Variants in MSI2 observed in about 807,000 individuals in gnomAD.
The protein encoded by MSI2 is musashi RNA binding protein 2.
MSI2 carries 17 observed loss-of-function variants against 45.6 expected under a neutral mutation model. The observed-to-expected ratio is 0.37, with a 90% CI of 0.26 to 0.56. MSI2 has a LOEUF of 0.56. Ranked by LOEUF, MSI2 falls within the 20% of genes least tolerant of loss-of-function variation. The probability of loss-of-function intolerance (pLI) is 0.77; values close to 1 mark genes in which losing one functional copy is unlikely to be tolerated. For missense variants in MSI2, 293 were observed against 444.2 expected (o/e 0.66, Z 3.06); for synonymous variants, 156 against 158.2 (o/e 0.99, Z 0.11).
At chr17:57,397,786 C>T (rs1406478352) in intron 5 of MSI2, among the ~76,000 whole-genome samples, 1 of 152,228 alleles carries the variant, frequency 6.6e-6, no homozygotes. Flanking sequence ...CCCCCTTCTC[C>T]TAAAGCCGAG....
chr17:57,445,010 G>T (rs963960080), intron 6 of MSI2, among the ~76,000 whole-genome samples: 1 of 152,166 alleles, frequency 6.6e-6, no homozygotes, highest in African/African-American at 2.4e-5. Flanking sequence ...TTTTTAAAAA[G>T]TGGAGTGTTA....
At chr17:57,555,811 C>A (rs139934017) in intron 7 of MSI2, among the ~76,000 whole-genome samples, 1 of 152,170 alleles carries the variant, frequency 6.6e-6, no homozygotes. Context: ...TGCAGCCCCT[C>A]GAGGCCAAGT....
intron 7 of MSI2, among the ~76,000 whole-genome samples, chr17:57,582,907 T>C (rs2088242175): frequency 6.6e-6 from 1 of 152,252 alleles, no homozygotes; most frequent in African/African-American, 2.4e-5. Flanking sequence ...GTTACATCAT[T>C]TTTAGCAACA....
intron 5 of MSI2, among the ~76,000 whole-genome samples, chr17:57,366,656 C>T (rs917370724): frequency 6.6e-6 from 1 of 152,148 alleles, no homozygotes; most frequent in Non-Finnish European, 1.5e-5. Context: ...AGGGGAGGAG[C>T]GAAGAGGTGG....
At chr17:57,340,959 C>T (rs191730385) in intron 5 of MSI2, among the ~76,000 whole-genome samples, 236 of 152,306 alleles carry the variant, frequency 1.5e-3, no homozygotes, top group African/African-American at 5.0e-3. Context: ...GGTTCACCTC[C>T]GACCTGGGAT....
At chr17:57,568,895 A>G (rs2087804075) in intron 7 of MSI2, among the ~76,000 whole-genome samples, 1 of 152,206 alleles carries the variant, frequency 6.6e-6, no homozygotes, top group Non-Finnish European at 1.5e-5. Flanking sequence ...TAGCAGGTAG[A>G]AGTGAACACA....
At chr17:57,519,152 C>G (rs2086531733) in intron 6 of MSI2, among the ~76,000 whole-genome samples, 1 of 152,184 alleles carries the variant, frequency 6.6e-6, no homozygotes, top group Admixed American at 6.5e-5. Context: ...ACTGCTCCCC[C>G]AAGGGCACAC....
At chr17:57,434,428 C>T (rs751325786) in intron 6 of MSI2, among the ~76,000 whole-genome samples, 1 of 152,174 alleles carries the variant, frequency 6.6e-6, no homozygotes, top group African/African-American at 2.4e-5. Flanking sequence ...ATATACATTA[C>T]CTTATGATTA....
chr17:57,507,225 CTGTGTGTG>C (rs71140002), intron 6 of MSI2, among the ~76,000 whole-genome samples: 1,684 of 51,116 alleles, frequency 0.033, 97 homozygotes, highest in African/African-American at 0.061. Flanking sequence ...CTTTGTCTCT[CTGTGTGTG>C]TGTGTGTGTG....
At chr17:57,530,618 C>G (rs2086802393) in intron 7 of MSI2, among the ~76,000 whole-genome samples, 1 of 152,154 alleles carries the variant, frequency 6.6e-6, no homozygotes, top group African/African-American at 2.4e-5. Flanking sequence ...AAATGGTGTG[C>G]TGGTGCCCTC....
chr17:57,267,633 G>A (rs1907927775), intron 5 of MSI2: 1 of 151,754 alleles, frequency 6.6e-6, no homozygotes, highest in Admixed American at 6.6e-5. Flanking sequence ...CAGGGGAGAT[G>A]TAGTTCATCA....
At chr17:57,485,618 C>T (rs2085738458) in intron 6 of MSI2, among the ~76,000 whole-genome samples, 1 of 152,202 alleles carries the variant, frequency 6.6e-6, no homozygotes, top group Admixed American at 6.5e-5. Flanking sequence ...TCCCTTCCTG[C>T]AGACCTTCAC....
At chr17:57,509,672 C>G (rs1184271288) in intron 6 of MSI2, among the ~76,000 whole-genome samples, 1 of 152,132 alleles carries the variant, frequency 6.6e-6, no homozygotes, top group East Asian at 1.9e-4. Flanking sequence ...GCACCCACCT[C>G]GGCCTCCCAA....
intron 7 of MSI2, among the ~76,000 whole-genome samples, chr17:57,569,086 G>T (rs1206689255): frequency 6.6e-6 from 1 of 152,136 alleles, no homozygotes; most frequent in African/African-American, 2.4e-5. Flanking sequence ...AGGCTAGGGT[G>T]GGGAGGTGAA....
chr17:57,652,132 C>T lies in MSI2; in HGVS notation c.761C>T (p.Ala254Val). The T allele has an allele frequency of 6.2e-7, 1 of 1,614,112 alleles. No homozygotes were observed. The highest frequency in any genetic ancestry group is 1.7e-5 in the Admixed American group (1 of 60,032). Reference protein sequence around the residue: ...FPAAAYGPVAAAAVAAARGSG... With the variant: ...FPAAAYGPVAVAAVAAARGSG... ...GCAGCGGCTTATGGACCAGTGGCAG[C>T]AGCGGCGGTGGCGGCAGCAAGAGGA... Residue 254 changes from alanine (A) to valine (V), a missense_variant, in exon 11 of 14, where the codon GCA becomes GTA. Transcript: ENST00000284073. This position sits in a 1 kb window ranked among gnomAD's most constrained non-coding sequence, Gnocchi z 4.1.
At chr17:57,503,037 C>A (rs754678366) in intron 6 of MSI2, among the ~76,000 whole-genome samples, 25 of 152,092 alleles carry the variant, frequency 1.6e-4, no homozygotes, top group Non-Finnish European at 2.9e-4. Context: ...GTTCCTATTA[C>A]AATGGAGTTT....
At chr17:57,622,067 C>CGG (rs1908338738) in intron 9 of MSI2, among the ~76,000 whole-genome samples, 1 of 152,120 alleles carries the variant, frequency 6.6e-6, no homozygotes, top group Non-Finnish European at 1.5e-5. Context: ...GACATGGTGG[C>CGG]GCATGCCTGT....
intron 10 of MSI2, among the ~76,000 whole-genome samples, chr17:57,646,482 C>T (rs1910669482): frequency 6.6e-6 from 1 of 152,192 alleles, no homozygotes; most frequent in African/African-American, 2.4e-5. Context: ...TTGGGTTTAT[C>T]ATCCTCCTCC....
chr17:57,394,191 C>G (rs980682763), intron 5 of MSI2, among the ~76,000 whole-genome samples: 9 of 152,068 alleles, frequency 5.9e-5, no homozygotes, highest in African/African-American at 1.9e-4. Flanking sequence ...CCCCTTTTTC[C>G]AATTGTTTTT....
Sources: allele counts gnomAD v4.1 joint callset (sites outside exome capture counted in the v4.1 genomes callset), GRCh38; gene constraint gnomAD v4.1.1; non-coding constraint Gnocchi (gnomAD v3.1); transcripts MANE v1.5; gene names NCBI Gene and HGNC (gene_info 2026-07-23, HGNC 2026-07-21).